MTRFR: variants seen among roughly 807,000 people sequenced by gnomAD.
MTRFR encodes probable peptide chain release factor C12orf65, mitochondrial.
In MTRFR, 10 loss-of-function variants were observed where a neutral mutation model predicts 11.9. The ratio of observed to expected loss-of-function variants is 0.84; its 90% CI spans 0.52 to 1.42. MTRFR has a LOEUF of 1.42. MTRFR is among the 40% of genes most tolerant of loss of function. The probability of loss-of-function intolerance (pLI) is 0.00; values close to 1 mark genes in which losing one functional copy is unlikely to be tolerated. For missense variants in MTRFR, 196 were observed against 197.9 expected, an observed-to-expected ratio of 0.99 and a Z score of 0.06; for synonymous variants, 77 against 79.1, an observed-to-expected ratio of 0.97 and a Z score of 0.14.
chr12:123,242,541 A>AGTAG (rs2047957269), intron 1 of MTRFR, among the ~76,000 whole-genome samples: 1 of 152,054 alleles, frequency 6.6e-6, no homozygotes. Flanking sequence ...CAGTCATTGG[A>AGTAG]GTAGGGCCAA....
chr12:123,250,306 C>T (rs1403488509), intron 1 of MTRFR: 1 of 152,214 alleles, frequency 6.6e-6, no homozygotes, highest in Non-Finnish European at 1.5e-5. Context: ...GATTTCCTTA[C>T]ATTGGGCTTC....
intron 1 of MTRFR, chr12:123,249,766 G>A (rs1429813825): frequency 1.3e-5 from 2 of 152,486 alleles, no homozygotes; most frequent in Non-Finnish European, 2.9e-5. Context: ...AGCCAGAGTG[G>A]ATGCCGAGGC....
At chr12:123,238,821 C>G (rs937004073) in intron 1 of MTRFR, among the ~76,000 whole-genome samples, 3 of 152,088 alleles carry the variant, frequency 2.0e-5, no homozygotes, top group African/African-American at 7.2e-5. Flanking sequence ...GCTTTTGCCA[C>G]TATGTGGACC....
At chr12:123,237,311 T>A (rs2138742587) in intron 1 of MTRFR, among the ~76,000 whole-genome samples, 1 of 152,162 alleles carries the variant, frequency 6.6e-6, no homozygotes, top group Admixed American at 6.6e-5. Context: ...GTGCCTGTAG[T>A]CCCAGATACT....
At chr12:123,234,471 C>T (rs187826251) in intron 1 of MTRFR, among the ~76,000 whole-genome samples, 15 of 152,316 alleles carry the variant, frequency 9.8e-5, no homozygotes, top group African/African-American at 3.6e-4. Context: ...TCTCGGCTCA[C>T]TTTAACCTCT....
intron 1 of MTRFR, chr12:123,252,304 C>G (rs2048122874): frequency 1.3e-5 from 2 of 152,088 alleles, no homozygotes; most frequent in African/African-American, 4.8e-5. Context: ...GTGGTGTCTG[C>G]CTGTAGTCTT....
chr12:123,253,070 A>ATTT lies in MTRFR; in HGVS notation c.-28-542_-28-540dup, dbSNP rs71085872. Among the ~76,000 whole-genome samples, 54 of 34,842 alleles carry ATTT rather than the reference A, an allele frequency of 1.5e-3. 18 individuals carry two copies. The East Asian group carries it at 0.026, about 17-fold the overall frequency. 22.9% of individuals were successfully genotyped at this position (34,842 alleles called of 152,430 possible). On this transcript the variant is annotated intron_variant, in intron 1 of 2. Transcript: ENST00000253233. ...ATCAAATTACAGTCCGTTCCTTTGAATTTTTTTTTTTTTTTTTTTTTTTTT... is the reference window on the plus strand; with the variant it reads ...ATCAAATTACAGTCCGTTCCTTTGAATTTTTTTTTTTTTTTTTTTTTTTTTTTT...
In MTRFR at chr12:123,256,964, CA is replaced by C. The variant is rs2048189577; in HGVS notation, c.437del (p.Lys146ArgfsTer30). 2 of 1,612,934 alleles carry C rather than the reference CA, an allele frequency of 1.2e-6. No individual in the cohort carries two copies. Among genetic ancestry groups the C allele is most frequent in the Non-Finnish European group, 1.7e-6 (2 of 1,179,776 alleles). ...AAAAAACAAGAAAGGAAAAAAAGAG[CA>C]AAGGAAACCCTGGAAAAAAAGAAGC... ...AKKKQERKKR[A>X]KETLEKKKLL... On this transcript the variant is annotated frameshift_variant, in exon 3 of 3. Transcript: ENST00000253233. LOFTEE classifies it high-confidence loss of function.
In MTRFR at chr12:123,253,332, C is replaced by G. The variant is rs1370725279; in HGVS notation, c.-28-315C>G. Reference sequence around the variant, plus strand: ...GGATTACAGGTGTGAGCCACCATGCCCGGCCTGAATTTCACACTCAAAACC... The same window carrying G: ...GGATTACAGGTGTGAGCCACCATGCGCGGCCTGAATTTCACACTCAAAACC... On this transcript the variant is annotated intron_variant, in intron 1 of 2. Coordinates refer to ENST00000253233, the MANE Select transcript of MTRFR (RefSeq NM_152269.5). The G allele has an allele frequency of 2.9e-5, 10 of 345,424 alleles. No individual in the cohort carries two copies. The East Asian group carries it at 7.6e-4, about 26-fold the overall frequency. 21.4% of individuals were successfully genotyped at this position (345,424 alleles called of 1,614,324 possible).
chr12:123,253,600 A>T, intron 1 of MTRFR, 47 bp from the exon 2 acceptor site: 1 of 1,567,732 alleles, frequency 6.4e-7, no homozygotes, highest in Non-Finnish European at 8.8e-7. Flanking sequence ...CATAATCTTG[A>T]GGGCAGATGC....
intron 1 of MTRFR, chr12:123,250,349 A>G (rs2048098036): frequency 6.6e-6 from 1 of 152,116 alleles, no homozygotes; most frequent in Non-Finnish European, 1.5e-5. Context: ...ATTAATAACT[A>G]ACCTCCTGAA....
intron 2 of MTRFR, 107 bp from the exon 3 acceptor site, chr12:123,256,706 A>G (rs2048185214): frequency 1.1e-6 from 1 of 890,850 alleles, no homozygotes; most frequent in South Asian, 1.4e-5. Context: ...CAATAAATAA[A>G]TAAATAGTAA....
At position 123,256,987 on chromosome 12, in the gene MTRFR, A is replaced by C; in HGVS notation, c.457A>C (p.Lys153Gln). 2 of 1,612,054 alleles carry C rather than the reference A, an allele frequency of 1.2e-6. No homozygotes were observed. The highest frequency in any genetic ancestry group is 2.2e-5 in the East Asian group (1 of 44,862). ...AGCAAAGGAAACCCTGGAAAAAAAG[A>C]AGCTACTTAAAGAACTGTGGGAGTC... ...KRAKETLEKK[K>Q]LLKELWESSK... The change falls in exon 3 of 3, where the codon AAG becomes CAG. Residue 153 changes from lysine (K) to glutamine (Q), a missense_variant. By Grantham distance (53) the Lys-to-Gln change is moderately conservative. Coordinates refer to ENST00000253233, the MANE Select transcript of MTRFR (RefSeq NM_152269.5).
chr12:123,247,724 T>C (rs2048062344), intron 1 of MTRFR, among the ~76,000 whole-genome samples: 1 of 152,136 alleles, frequency 6.6e-6, no homozygotes, highest in South Asian at 2.1e-4. Context: ...GGTGGGCGGA[T>C]CATGAGGTCA....
chr12:123,241,476 C>CTACA (rs758653445), intron 1 of MTRFR, among the ~76,000 whole-genome samples: 18 of 152,046 alleles, frequency 1.2e-4, no homozygotes, highest in Non-Finnish European at 2.4e-4. Context: ...GTAGCTGGGA[C>CTACA]TACAGGTGCC....
At chr12:123,246,139 C>G (rs1009726979) in intron 1 of MTRFR, among the ~76,000 whole-genome samples, 1 of 151,982 alleles carries the variant, frequency 6.6e-6, no homozygotes, top group Non-Finnish European at 1.5e-5. Flanking sequence ...CTCACTGCAA[C>G]CTCCGCCTCC....
intron 1 of MTRFR, among the ~76,000 whole-genome samples, chr12:123,245,124 A>AT (rs2048019925): frequency 6.7e-6 from 1 of 149,724 alleles, no homozygotes; most frequent in Non-Finnish European, 1.5e-5. Flanking sequence ...AATTTTTTGT[A>AT]TTTTTGGTAG....
chr12:123,250,699 A>G (rs1215706235), intron 1 of MTRFR: 1 of 152,162 alleles, frequency 6.6e-6, no homozygotes, highest in African/African-American at 2.4e-5. Flanking sequence ...GAGTCCTGTG[A>G]TGTGAACCAT....
At chr12:123,242,554 C>T (rs2047957429) in intron 1 of MTRFR, among the ~76,000 whole-genome samples, 1 of 152,186 alleles carries the variant, frequency 6.6e-6, no homozygotes, top group East Asian at 1.9e-4. Context: ...AGGGCCAAAG[C>T]TCCAGGAGAT....
Sources: allele counts gnomAD v4.1 joint callset (sites outside exome capture counted in the v4.1 genomes callset), GRCh38; gene constraint gnomAD v4.1.1; transcripts MANE v1.5; gene names NCBI Gene and HGNC (gene_info 2026-07-23, HGNC 2026-07-21).